SLC25A48: variants seen among roughly 807,000 people sequenced by gnomAD.
SLC25A48 encodes the protein CTC-321K16.1.
A neutral mutation model predicts 32.2 loss-of-function variants in SLC25A48; 29 were observed. The observed-to-expected ratio is 0.90, with a 90% confidence interval of 0.67 to 1.23. SLC25A48 has a LOEUF of 1.23. Ranked by LOEUF, SLC25A48 falls within the 50% of genes most tolerant of loss-of-function variation. SLC25A48 has a pLI of 0.00. For synonymous variants in SLC25A48, 164 were observed against 172.3 expected (o/e 0.95, Z 0.38); for missense variants, 399 against 422.7 (o/e 0.94, Z 0.49).
At chr5:135,580,605 T>C (rs964112513) in intron 1 of SLC25A48, among the ~76,000 whole-genome samples, 3 of 152,316 alleles carry the variant, frequency 2.0e-5, no homozygotes, top group African/African-American at 7.2e-5. Context: ...AGCCAATAGC[T>C]GGACATTTGC....
chr5:135,757,502 A>G (rs1755944999), intron 3 of SLC25A48, among the ~76,000 whole-genome samples: 1 of 149,586 alleles, frequency 6.7e-6, no homozygotes, highest in Non-Finnish European at 1.5e-5. Context: ...TATGATATTT[A>G]TAATGTCTAC....
intron 3 of SLC25A48, among the ~76,000 whole-genome samples, chr5:135,673,055 A>G (rs144047741): frequency 7.5e-4 from 115 of 152,356 alleles, no homozygotes; most frequent in African/African-American, 2.6e-3. Flanking sequence ...GCTATTGCAC[A>G]TATCAATAGT....
At chr5:135,741,358 T>A (rs759793950) in intron 3 of SLC25A48, among the ~76,000 whole-genome samples, 1 of 152,226 alleles carries the variant, frequency 6.6e-6, no homozygotes, top group Non-Finnish European at 1.5e-5. Context: ...GCAAACATTT[T>A]CCGCAAGGGC....
rs371678322 is a variant in SLC25A48, at chr5:135,836,967, C to A, written c.46+2074C>A. 2.0e-4 allele frequency among the ~76,000 whole-genome samples: 11 copies of A among 54,594 alleles called. 1 individual carries two copies. Among genetic ancestry groups the A allele is most frequent in the Non-Finnish European group, 4.2e-4 (11 of 26,366 alleles). 35.8% of individuals were successfully genotyped at this position (54,594 alleles called of 152,430 possible). A position where few individuals can be genotyped will look rare whatever the true frequency, so the allele number is the denominator to read the frequency against. Reference sequence around the variant, plus strand: ...CCCTTTTTTTGATATTATCCCCCCCCCCACCCCCCCCCCCCACACACACAC... The same window carrying A: ...CCCTTTTTTTGATATTATCCCCCCCACCACCCCCCCCCCCCACACACACAC... On this transcript the variant is annotated intron_variant, in intron 1 of 7. Transcript: ENST00000681962.
In SLC25A48 at chr5:135,779,514, G is replaced by T. The variant is rs370080400; in HGVS notation, c.-520-33009G>T. 3.3e-5 allele frequency among the ~76,000 whole-genome samples: 2 copies of T among 60,096 alleles called. 1 individual carries two copies. Among genetic ancestry groups the T allele is most frequent in the Non-Finnish European group, 1.2e-4 (2 of 16,298 alleles). The allele number at this position is 60,096 out of a possible 152,430, so 39.4% of individuals were successfully genotyped here. A position where few individuals can be genotyped will look rare whatever the true frequency, so the allele number is the denominator to read the frequency against. On this transcript the variant is annotated intron_variant, in intron 3 of 10. Transcript: ENST00000646290. ...ATGATATTACTCCCAATATTGCAGG[G>T]GGTGTACATGCCCCCCTGTGATATT...
chr5:135,686,110 C>G (rs932953553), intron 3 of SLC25A48, among the ~76,000 whole-genome samples: 32 of 152,250 alleles, frequency 2.1e-4, no homozygotes, highest in African/African-American at 6.7e-4. Context: ...AGTTGGGCAG[C>G]CCTGGGTTCA....
intron 3 of SLC25A48, among the ~76,000 whole-genome samples, chr5:135,723,739 C>T (rs898466512): frequency 1.3e-5 from 2 of 152,284 alleles, no homozygotes; most frequent in Middle Eastern, 6.8e-3. Context: ...ATATCTTAAC[C>T]CTTGCCCTGC....
At position 135,824,605 on chromosome 5, in the gene SLC25A48, A is replaced by T. The variant is rs192382591; in HGVS notation, c.-117+11679A>T. 4.4e-3 allele frequency: 664 copies of T among 152,292 alleles called. 2 individuals are homozygous for T. Among genetic ancestry groups the T allele is most frequent in the Non-Finnish European group, 7.1e-3 (485 of 68,072 alleles). 9.4% of individuals were successfully genotyped at this position (152,292 alleles called of 1,614,324 possible). A position where few individuals can be genotyped will look rare whatever the true frequency, so the allele number is the denominator to read the frequency against. ...TTCTGCACCTATGGGTGCCTCCTGG[A>T]AGAGGAGGGGTTGGTCCTGCAGCCC... On this transcript the variant is annotated intron_variant, in intron 4 of 10. Coordinates refer to the SLC25A48 transcript ENST00000646290.
At position 135,865,848 on chromosome 5, in the gene SLC25A48, C is replaced by T. The variant is rs115038387; in HGVS notation, c.422-5613C>T. Among the ~76,000 whole-genome samples, 1,104 of 152,164 alleles carry T rather than the reference C, an allele frequency of 7.3e-3. 15 individuals are homozygous for T. Among genetic ancestry groups the T allele is most frequent in the African/African-American group, 0.026 (1,063 of 41,504 alleles). On this transcript the variant is annotated intron_variant, in intron 4 of 7. Transcript: ENST00000681962. ...AACAGCAGCTGTACTTTTAAGAGTT[C>T]GTGGACTAAGAAAACAAATATGTAA...
intron 4 of SLC25A48, among the ~76,000 whole-genome samples, chr5:135,869,257 T>G (rs1275738893): frequency 6.6e-6 from 1 of 152,304 alleles, no homozygotes; most frequent in East Asian, 1.9e-4. Context: ...TTGGGTCAGT[T>G]TGGAGCTGTG....
chr5:135,650,923 C>G (rs988653115), intron 3 of SLC25A48, among the ~76,000 whole-genome samples: 1 of 152,152 alleles, frequency 6.6e-6, no homozygotes, highest in Non-Finnish European at 1.5e-5. Context: ...ATATGTTGGC[C>G]TACTCCCTGC....
chr5:135,806,390 TGAG>T (rs1757464407), intron 3 of SLC25A48, among the ~76,000 whole-genome samples: 1 of 151,518 alleles, frequency 6.6e-6, no homozygotes, highest in Non-Finnish European at 1.5e-5. Flanking sequence ...GTGTTAATAC[TGAG>T]TATTAACATT....
chr5:135,598,155 A>G (rs977009701), intron 1 of SLC25A48, among the ~76,000 whole-genome samples: 1 of 152,206 alleles, frequency 6.6e-6, no homozygotes, highest in South Asian at 2.1e-4. Flanking sequence ...TGATCAAAAA[A>G]AGTGACATAA....
chr5:135,636,917 C>G (rs1185654879), intron 3 of SLC25A48, among the ~76,000 whole-genome samples: 1 of 152,174 alleles, frequency 6.6e-6, no homozygotes, highest in African/African-American at 2.4e-5. Context: ...AGGAGGAACT[C>G]CCCAACTTCT....
chr5:135,627,231 G>A (rs1752459265), intron 1 of SLC25A48, among the ~76,000 whole-genome samples: 2 of 152,112 alleles, frequency 1.3e-5, no homozygotes, highest in Non-Finnish European at 2.9e-5. Flanking sequence ...TGTCTATGTT[G>A]GGCCAATAGG....
chr5:135,821,773 C>G (rs1446585259), intron 4 of SLC25A48: 2 of 152,230 alleles, frequency 1.3e-5, no homozygotes, highest in African/African-American at 4.8e-5. Flanking sequence ...GGAATCTTCT[C>G]TCAGCAGGCA....
At chr5:135,874,864 G>A in intron 6 of SLC25A48, 1 of 490,194 alleles carries the variant, frequency 2.0e-6, no homozygotes, top group Non-Finnish European at 3.6e-6. Context: ...TGCTTGCACG[G>A]GCTCCTTGCT....
intron 3 of SLC25A48, among the ~76,000 whole-genome samples, chr5:135,644,326 A>G (rs1469365067): frequency 6.6e-6 from 1 of 152,128 alleles, no homozygotes; most frequent in East Asian, 1.9e-4. Flanking sequence ...CAGGACAGCT[A>G]AAATTCTGGA....
chr5:135,767,273 G>A (rs1756263635), intron 3 of SLC25A48, among the ~76,000 whole-genome samples: 1 of 151,574 alleles, frequency 6.6e-6, no homozygotes, highest in Non-Finnish European at 1.5e-5. Context: ...CATATGGTTC[G>A]TAATGTCCAG....
Sources: allele counts gnomAD v4.1 joint callset (sites outside exome capture counted in the v4.1 genomes callset), GRCh38; gene constraint gnomAD v4.1.1; transcripts MANE v1.5; gene names NCBI Gene and HGNC (gene_info 2026-07-23, HGNC 2026-07-21).